The following SMYD3 variants were observed in gnomAD, a reference collection of about 807,000 sequenced individuals.
SMYD3 encodes SET and MYND domain containing 3, also known as histone-lysine N-methyltransferase SMYD3.
Under a neutral mutation model 57.7 loss-of-function variants are expected in SMYD3, and 36 were observed. That is an observed-to-expected ratio of 0.62 (90% CI 0.48 to 0.82). The LOEUF is 0.82. Ranked by LOEUF, SMYD3 falls within the 40% of genes least tolerant of loss-of-function variation. SMYD3 has a pLI of 0.00. For synonymous variants in SMYD3, 211 were observed against 195.0 expected, an observed-to-expected ratio of 1.08 and a Z score of -0.68; for missense variants, 515 against 538.8, an observed-to-expected ratio of 0.96 and a Z score of 0.44.
intron 5 of SMYD3, among the ~76,000 whole-genome samples, chr1:245,973,954 G>A (rs1182641121): frequency 6.6e-6 from 1 of 152,118 alleles, no homozygotes; most frequent in East Asian, 1.9e-4. Context: ...GAGTCATTTT[G>A]TAAAATAGAC....
intron 5 of SMYD3, among the ~76,000 whole-genome samples, chr1:246,029,673 G>GAAAAAAAAA (rs34698516): frequency 2.3e-5 from 2 of 88,160 alleles, no homozygotes; most frequent in Non-Finnish European, 5.3e-5. Context: ...CTCTGTCTCA[G>GAAAAAAAAA]AAAAAAAAAA....
intron 5 of SMYD3, among the ~76,000 whole-genome samples, chr1:245,946,177 A>G (rs894775679): frequency 6.6e-6 from 1 of 152,140 alleles, no homozygotes; most frequent in Admixed American, 6.5e-5. Context: ...AAATACCACA[A>G]TTTAGGTTTT....
chr1:246,230,310 T>C (rs1452077680), intron 5 of SMYD3, among the ~76,000 whole-genome samples: 2 of 152,070 alleles, frequency 1.3e-5, no homozygotes, highest in Non-Finnish European at 1.5e-5. Context: ...AGAGAAAGAA[T>C]AGGCCATTTC....
chr1:246,181,689 T>A (rs2062553929), intron 5 of SMYD3, among the ~76,000 whole-genome samples: 1 of 152,076 alleles, frequency 6.6e-6, no homozygotes, highest in Non-Finnish European at 1.5e-5. Flanking sequence ...CACATAGGGG[T>A]CCCCTTTGGG....
intron 5 of SMYD3, among the ~76,000 whole-genome samples, chr1:246,262,315 T>C (rs938679331): frequency 5.3e-5 from 8 of 152,234 alleles, no homozygotes; most frequent in Non-Finnish European, 8.8e-5. Context: ...AATCCGATTT[T>C]AAATCTTGAC....
chr1:246,197,201 T>C (rs913917979), intron 5 of SMYD3, among the ~76,000 whole-genome samples: 1 of 152,198 alleles, frequency 6.6e-6, no homozygotes, highest in African/African-American at 2.4e-5. Flanking sequence ...GAATTCCAAA[T>C]AATTTACATA....
intron 5 of SMYD3, among the ~76,000 whole-genome samples, chr1:246,297,682 G>A (rs1224766144): frequency 6.6e-6 from 1 of 152,086 alleles, no homozygotes; most frequent in African/African-American, 2.4e-5. Context: ...TGCATCAAAT[G>A]TCAAATATTC....
At chr1:246,144,685 T>C (rs1178779076) in intron 5 of SMYD3, among the ~76,000 whole-genome samples, 3 of 152,206 alleles carry the variant, frequency 2.0e-5, no homozygotes, top group African/African-American at 7.2e-5. Flanking sequence ...TACCCACTTC[T>C]TTTTAATTGG....
intron 5 of SMYD3, among the ~76,000 whole-genome samples, chr1:246,174,694 G>A (rs530231077): frequency 5.5e-4 from 83 of 152,248 alleles, no homozygotes; most frequent in Middle Eastern, 6.8e-3. Context: ...TGACCCTCCC[G>A]CCTTGGCCTC....
chr1:245,921,572 C>CATACATACAT (rs59746333), intron 7 of SMYD3, among the ~76,000 whole-genome samples: 5 of 139,996 alleles, frequency 3.6e-5, no homozygotes, highest in African/African-American at 1.4e-4. Flanking sequence ...TATATATATA[C>CATACATACAT]ACATACCATG....
intron 2 of SMYD3, among the ~76,000 whole-genome samples, chr1:246,348,128 C>A (rs1298759007): frequency 7.1e-6 from 1 of 140,054 alleles, no homozygotes; most frequent in Non-Finnish European, 1.6e-5. Flanking sequence ...TAAAATCATG[C>A]CCTTGGGCCG....
At chr1:245,937,813 G>C (rs908607297) in intron 5 of SMYD3, among the ~76,000 whole-genome samples, 3 of 152,192 alleles carry the variant, frequency 2.0e-5, no homozygotes, top group Non-Finnish European at 4.4e-5. Flanking sequence ...TATTCTCTAA[G>C]TAAGTGGTGT....
At chr1:245,994,853 G>A (rs900175134) in intron 5 of SMYD3, among the ~76,000 whole-genome samples, 3 of 152,062 alleles carry the variant, frequency 2.0e-5, no homozygotes, top group African/African-American at 4.8e-5. Flanking sequence ...TCGGCTGGGC[G>A]CAGTGGCTCA....
chr1:245,939,832 C>G (rs918001811), intron 5 of SMYD3, among the ~76,000 whole-genome samples: 9 of 152,168 alleles, frequency 5.9e-5, no homozygotes, highest in African/African-American at 1.9e-4. Flanking sequence ...CCCCTCCTTC[C>G]TCTAGCTACT....
At chr1:245,782,507 G>A (rs1377801014) in intron 10 of SMYD3, among the ~76,000 whole-genome samples, 1 of 152,194 alleles carries the variant, frequency 6.6e-6, no homozygotes, top group Non-Finnish European at 1.5e-5. Flanking sequence ...GCAAAACCAT[G>A]TGGGTTTGAC....
intron 5 of SMYD3, among the ~76,000 whole-genome samples, chr1:246,059,748 C>T (rs776761513): frequency 1.3e-5 from 2 of 152,112 alleles, no homozygotes; most frequent in Non-Finnish European, 2.9e-5. Context: ...TTCTGAAACT[C>T]AATCAGGAGA....
chr1:245,921,423 C>A (rs1329989469), intron 7 of SMYD3, among the ~76,000 whole-genome samples: 1 of 152,024 alleles, frequency 6.6e-6, no homozygotes, highest in East Asian at 1.9e-4. Context: ...GGGTATATAC[C>A]CAAAGAAAAT....
At chr1:246,344,509 TG>T (rs2065680239) in intron 2 of SMYD3, among the ~76,000 whole-genome samples, 1 of 152,230 alleles carries the variant, frequency 6.6e-6, no homozygotes, top group Non-Finnish European at 1.5e-5. Flanking sequence ...ATATTTCACT[TG>T]TTTCCAGGTT....
chr1:245,791,266 G>A (rs1481942172), intron 10 of SMYD3, among the ~76,000 whole-genome samples: 1 of 152,196 alleles, frequency 6.6e-6, no homozygotes, highest in African/African-American at 2.4e-5. Context: ...GGGAAAGAGA[G>A]CCTATTATGT....
Sources: allele counts gnomAD v4.1 joint callset (sites outside exome capture counted in the v4.1 genomes callset), GRCh38; gene constraint gnomAD v4.1.1; transcripts MANE v1.5; gene names NCBI Gene and HGNC (gene_info 2026-07-23, HGNC 2026-07-21).